The following CA10 variants were observed in gnomAD, a reference collection of about 807,000 sequenced individuals.
CA10 encodes carbonic anhydrase-related protein 10.
A neutral mutation model predicts 44.2 loss-of-function variants in CA10; 14 were observed. The ratio of observed to expected loss-of-function variants is 0.32; its 90% CI spans 0.21 to 0.50. CA10 has a LOEUF of 0.50. CA10 is among the 20% of genes least tolerant of loss of function. The pLI, the probability that CA10 is intolerant of heterozygous loss-of-function variation, is 0.99. For synonymous variants in CA10, 159 were observed against 141.6 expected (o/e 1.12, Z -0.87); for missense variants, 350 against 409.7 (o/e 0.85, Z 1.26).
At chr17:51,758,133 C>T (rs993338887) in intron 3 of CA10, among the ~76,000 whole-genome samples, 3 of 152,060 alleles carry the variant, frequency 2.0e-5, no homozygotes, top group Non-Finnish European at 4.4e-5. Context: ...CTTTCTCTTA[C>T]CTATCCATCT....
chr17:51,808,095 A>G (rs898359017), intron 3 of CA10, among the ~76,000 whole-genome samples: 1 of 152,212 alleles, frequency 6.6e-6, no homozygotes, highest in Non-Finnish European at 1.5e-5. Context: ...GTTTAAGAAT[A>G]TTAGGCTTAG....
intron 3 of CA10, among the ~76,000 whole-genome samples, chr17:51,877,903 G>T (rs574754506): frequency 2.0e-5 from 3 of 151,994 alleles, no homozygotes; most frequent in African/African-American, 7.3e-5. Flanking sequence ...CCAGCACTTT[G>T]GGAGGCCGAG....
intron 3 of CA10, among the ~76,000 whole-genome samples, chr17:51,890,119 G>T (rs908009797): frequency 6.6e-6 from 1 of 152,168 alleles, no homozygotes; most frequent in Non-Finnish European, 1.5e-5. Context: ...ATGTGCCAAT[G>T]GCTTAGTGTT....
At chr17:51,773,842 T>A (rs77843160) in intron 3 of CA10, among the ~76,000 whole-genome samples, 5,011 of 152,284 alleles carry the variant, frequency 0.033, 294 homozygotes, top group African/African-American at 0.11. Flanking sequence ...GAAGTCCAAT[T>A]GCTACTTGCA....
chr17:52,030,733 A>G (rs1986441123), intron 2 of CA10, among the ~76,000 whole-genome samples: 3 of 152,270 alleles, frequency 2.0e-5, no homozygotes, highest in South Asian at 2.1e-4. Context: ...AGAAAAGGCA[A>G]ATGTGTCAAT....
intron 1 of CA10, among the ~76,000 whole-genome samples, chr17:52,143,680 T>C (rs1447967229): frequency 6.6e-6 from 1 of 152,152 alleles, no homozygotes; most frequent in Non-Finnish European, 1.5e-5. Flanking sequence ...GGGGTGGGTC[T>C]ACACTCAGCT....
At chr17:51,711,472 T>C (rs1915941777) in intron 4 of CA10, among the ~76,000 whole-genome samples, 1 of 152,160 alleles carries the variant, frequency 6.6e-6, no homozygotes, top group South Asian at 2.1e-4. Context: ...TCTGAATGAG[T>C]GAAAACATGA....
At chr17:51,753,169 A>G (rs1156325506) in intron 3 of CA10, among the ~76,000 whole-genome samples, 1 of 152,168 alleles carries the variant, frequency 6.6e-6, no homozygotes, top group Non-Finnish European at 1.5e-5. Context: ...TACTGGTTTG[A>G]GACTGGTTGG....
At chr17:51,971,042 T>C (rs1362133411) in intron 2 of CA10, among the ~76,000 whole-genome samples, 2 of 152,186 alleles carry the variant, frequency 1.3e-5, no homozygotes, top group East Asian at 1.9e-4. Context: ...ATGATCTAAA[T>C]ATGGATTTCA....
intron 2 of CA10, among the ~76,000 whole-genome samples, chr17:52,048,860 C>A (rs942022496): frequency 6.6e-6 from 1 of 151,862 alleles, no homozygotes; most frequent in African/African-American, 2.4e-5. Flanking sequence ...CATTACCCTA[C>A]AAGAAATGGG....
chr17:51,748,953 T>C (rs1904800004), intron 3 of CA10, among the ~76,000 whole-genome samples: 1 of 152,200 alleles, frequency 6.6e-6, no homozygotes, highest in African/African-American at 2.4e-5. Flanking sequence ...TTTTGTTTCC[T>C]GCCACCTTAC....
chr17:51,704,040 C>A (rs998813147), intron 4 of CA10, among the ~76,000 whole-genome samples: 3 of 152,176 alleles, frequency 2.0e-5, no homozygotes, highest in Admixed American at 2.0e-4. Context: ...TAAAGGAAAA[C>A]TGATCTCTTT....
chr17:51,774,503 G>A (rs990471567), intron 3 of CA10, among the ~76,000 whole-genome samples: 3 of 151,674 alleles, frequency 2.0e-5, no homozygotes, highest in Non-Finnish European at 4.4e-5. Flanking sequence ...GCAGCGGTGC[G>A]ATCTCAGCTC....
intron 1 of CA10, among the ~76,000 whole-genome samples, chr17:52,105,502 G>C (rs759670661): frequency 1.3e-5 from 2 of 152,040 alleles, no homozygotes; most frequent in Non-Finnish European, 2.9e-5. Context: ...TGATCTGCCC[G>C]CCCTGGCCTC....
intron 2 of CA10, among the ~76,000 whole-genome samples, chr17:52,059,740 ATGAC>A (rs1482702141): frequency 1.3e-5 from 2 of 152,208 alleles, no homozygotes; most frequent in South Asian, 2.1e-4. Flanking sequence ...TACACAGTTA[ATGAC>A]TGACTACCTC....
chr17:51,963,331 T>C (rs1025195379), intron 2 of CA10, among the ~76,000 whole-genome samples: 5 of 152,112 alleles, frequency 3.3e-5, no homozygotes, highest in African/African-American at 1.2e-4. Context: ...ATAAGCAACC[T>C]TGGAAACATA....
intron 3 of CA10, among the ~76,000 whole-genome samples, chr17:51,792,048 G>C (rs1906539094): frequency 6.6e-6 from 1 of 152,180 alleles, no homozygotes; most frequent in South Asian, 2.1e-4. Flanking sequence ...GACAACAAGT[G>C]AGAGAGAAAT....
intron 1 of CA10, among the ~76,000 whole-genome samples, chr17:52,090,565 A>G (rs1409410891): frequency 6.6e-6 from 1 of 152,160 alleles, no homozygotes; most frequent in African/African-American, 2.4e-5. Flanking sequence ...AAATTATTAT[A>G]TTTGTCATAA....
intron 2 of CA10, among the ~76,000 whole-genome samples, chr17:52,003,813 T>C (rs955990116): frequency 1.3e-5 from 2 of 151,942 alleles, no homozygotes; most frequent in African/African-American, 4.8e-5. Context: ...GCTTTTACTT[T>C]GTTTTGATAC....
Sources: allele counts gnomAD v4.1 joint callset (sites outside exome capture counted in the v4.1 genomes callset), GRCh38; gene constraint gnomAD v4.1.1; transcripts MANE v1.5; gene names NCBI Gene and HGNC (gene_info 2026-07-23, HGNC 2026-07-21).